OR3A2: variants seen among roughly 807,000 people sequenced by gnomAD.
The protein encoded by OR3A2 is olfactory receptor 3A2.
For synonymous variants in OR3A2, 126 were observed against 159.3 expected (o/e 0.79, Z 1.57); for missense variants, 318 against 392.8 (o/e 0.81, Z 1.61).
chr17:3,289,258 T>C (rs531618237), upstream of OR3A2, among the ~76,000 whole-genome samples: 1 of 152,354 alleles, frequency 6.6e-6, no homozygotes, highest in South Asian at 2.1e-4. Flanking sequence ...ATTACATGGA[T>C]AATAGAATTT....
Position 3,294,573 on chromosome 17 carries a change from A to G in OR3A2, c.-84-15420T>C, listed in dbSNP as rs142559503. Reference sequence around the variant, plus strand: ...CAGAAACACTTGACTTTACAATTCAAAAGTGTACACTTTGTCCCAGGAAAC... The same window carrying G: ...CAGAAACACTTGACTTTACAATTCAGAAGTGTACACTTTGTCCCAGGAAAC... On this transcript the variant is annotated intron_variant, in intron 3 of 4. Coordinates refer to the OR3A2 transcript ENST00000573491. Among the ~76,000 whole-genome samples the G allele has an allele frequency of 3.6e-3, 546 of 152,346 alleles. 4 individuals are homozygous for G. Among genetic ancestry groups the G allele is most frequent in the African/African-American group, 0.013 (522 of 41,578 alleles).
chr17:3,294,337 C>A (rs905542814), intron 3 of OR3A2, among the ~76,000 whole-genome samples: 2 of 151,328 alleles, frequency 1.3e-5, no homozygotes, highest in African/African-American at 2.4e-5. Flanking sequence ...ACCAAAAAAA[C>A]CAATATTAGA....
intron 2 of OR3A2, among the ~76,000 whole-genome samples, chr17:3,344,067 T>G (rs117993518): frequency 3.9e-5 from 6 of 152,286 alleles, no homozygotes; most frequent in Non-Finnish European, 8.8e-5. Context: ...TTCCACTCAG[T>G]GATATACAGG....
At chr17:3,297,114 C>G (rs2048925315) in intron 3 of OR3A2, among the ~76,000 whole-genome samples, 1 of 152,186 alleles carries the variant, frequency 6.6e-6, no homozygotes, top group Admixed American at 6.5e-5. Context: ...GTGGAAGCCT[C>G]AAAGCTAGAA....
intron 3 of OR3A2, among the ~76,000 whole-genome samples, chr17:3,299,795 C>A (rs938292089): frequency 1.3e-5 from 2 of 152,214 alleles, no homozygotes; most frequent in Non-Finnish European, 2.9e-5. Flanking sequence ...TCTGGCCTTC[C>A]ATTTCTTCAT....
chr17:3,347,825 C>T (rs140765984), intron 2 of OR3A2, among the ~76,000 whole-genome samples: 2,375 of 152,294 alleles, frequency 0.016, 61 homozygotes, highest in African/African-American at 0.054. Context: ...GTCACACTGA[C>T]TTCCACAATG....
intron 2 of OR3A2, among the ~76,000 whole-genome samples, chr17:3,346,672 T>A (rs1314898537): frequency 6.6e-6 from 1 of 151,916 alleles, no homozygotes; most frequent in Non-Finnish European, 1.5e-5. Flanking sequence ...CCATTATCCA[T>A]CCGCACCTCT....
At chr17:3,340,318 T>A (rs1030721980) in intron 2 of OR3A2, among the ~76,000 whole-genome samples, 11 of 152,292 alleles carry the variant, frequency 7.2e-5, no homozygotes, top group Non-Finnish European at 1.5e-4. Flanking sequence ...AGCTTTTGAA[T>A]GTGTTTGCTC....
At position 3,350,411 on chromosome 17, in the gene OR3A2, G is replaced by A. The variant is rs1396731742; in HGVS notation, c.-178-14285C>T. On this transcript the variant is annotated intron_variant, in intron 2 of 4. Transcript: ENST00000573491. ...CAGAGAATACTACAAACACCTCTAC[G>A]CAAATAAACTAGAAAATCTAGAAGA... 2.4e-3 allele frequency among the ~76,000 whole-genome samples: 357 copies of A among 146,996 alleles called. 1 individual carries two copies. The highest frequency in any genetic ancestry group is 4.0e-3 in the Non-Finnish European group (263 of 65,760).
At chr17:3,350,132 C>T (rs2049406377) in intron 2 of OR3A2, among the ~76,000 whole-genome samples, 1 of 151,274 alleles carries the variant, frequency 6.6e-6, no homozygotes, top group Admixed American at 6.6e-5. Flanking sequence ...ACTAGAAAAG[C>T]AAGAGCAAAC....
chr17:3,306,292 C>T (rs988456207), intron 3 of OR3A2, among the ~76,000 whole-genome samples: 9 of 151,926 alleles, frequency 5.9e-5, no homozygotes, highest in Non-Finnish European at 1.0e-4. Context: ...GCTGGGACTA[C>T]ATGTTTGTGC....
At chr17:3,371,987 C>G (rs1351872135) in intron 2 of OR3A2, among the ~76,000 whole-genome samples, 1 of 143,820 alleles carries the variant, frequency 7.0e-6, no homozygotes, top group African/African-American at 2.6e-5. Flanking sequence ...ACTTCCCAGA[C>G]GGGGTGGCTG....
At chr17:3,338,119 T>C (rs1185937852) in intron 2 of OR3A2, among the ~76,000 whole-genome samples, 1 of 152,172 alleles carries the variant, frequency 6.6e-6, no homozygotes, top group Non-Finnish European at 1.5e-5. Context: ...TTTGATGGGG[T>C]TAATTTTTTT....
At chr17:3,339,636 G>C (rs545264926) in intron 2 of OR3A2, among the ~76,000 whole-genome samples, 14 of 152,218 alleles carry the variant, frequency 9.2e-5, no homozygotes, top group African/African-American at 3.4e-4. Context: ...ACTTGATCTT[G>C]GTGGATAAGC....
intron 2 of OR3A2, among the ~76,000 whole-genome samples, chr17:3,367,034 C>T (rs1253076933): frequency 6.6e-6 from 1 of 152,166 alleles, no homozygotes; most frequent in Admixed American, 6.5e-5. Flanking sequence ...TAGTGGGCCA[C>T]ATGATTCTTC....
At chr17:3,366,057 A>C (rs894673687) in intron 2 of OR3A2, among the ~76,000 whole-genome samples, 6 of 152,216 alleles carry the variant, frequency 3.9e-5, no homozygotes, top group African/African-American at 1.4e-4. Context: ...TCAAGAGTCA[A>C]AATACCAGGG....
At chr17:3,313,958 C>A (rs143991486) in intron 3 of OR3A2, among the ~76,000 whole-genome samples, 37 of 152,156 alleles carry the variant, frequency 2.4e-4, no homozygotes, top group African/African-American at 8.4e-4. Flanking sequence ...TAGATGTTTT[C>A]AAAATATCCT....
chr17:3,386,032 TATCTGCTCA>T, intron 1 of OR3A2, 84 bp downstream of exon 1: 1 of 398,756 alleles, frequency 2.5e-6, no homozygotes, highest in Non-Finnish European at 4.4e-6. Context: ...CCTTGGCATC[TATCTGCTCA>T]ACGCCCTGAG....
intron 3 of OR3A2, among the ~76,000 whole-genome samples, chr17:3,322,363 C>T (rs1312606794): frequency 1.3e-5 from 2 of 152,200 alleles, no homozygotes; most frequent in African/African-American, 4.8e-5. Flanking sequence ...TTTTGTGTCT[C>T]TATTTCCTTC....
Sources: gnomAD v4.1 joint callset for allele counts (sites outside exome capture counted in the v4.1 genomes callset) on GRCh38, gnomAD v4.1.1 for gene constraint, MANE v1.5 for transcripts, NCBI Gene and HGNC (gene_info 2026-07-23, HGNC 2026-07-21) for gene names.